Variants in FIBCD1 observed in about 807,000 individuals in gnomAD.
The protein encoded by FIBCD1 is fibrinogen C domain-containing protein 1.
FIBCD1 carries 47 observed loss-of-function variants against 45.1 expected under a neutral mutation model. The observed-to-expected ratio is 1.04, with a 90% confidence interval of 0.82 to 1.33. The LOEUF (loss-of-function observed/expected upper bound fraction) is 1.33, where lower values mean the gene tolerates loss of function less well. FIBCD1 is among the 40% of genes most tolerant of loss of function. The probability of loss-of-function intolerance (pLI) is 0.00; values close to 1 mark genes in which losing one functional copy is unlikely to be tolerated. For synonymous variants in FIBCD1, 313 were observed against 308.1 expected (o/e 1.02, Z -0.17); for missense variants, 653 against 682.2 (o/e 0.96, Z 0.48).
chr9:130,911,468 C>T (rs532021217), intron 5 of FIBCD1, among the ~76,000 whole-genome samples: 100 of 152,340 alleles, frequency 6.6e-4, no homozygotes, highest in Non-Finnish European at 1.0e-3. Context: ...ATGCTGCTGA[C>T]CACCTGCCCA....
Position 130,929,914 on chromosome 9 carries a change from T to G in FIBCD1, c.205A>C (p.Ser69Arg), listed in dbSNP as rs1282992717. 1.3e-6 allele frequency: 2 copies of G among 1,549,200 alleles called. No homozygotes were observed. The highest frequency in any genetic ancestry group is 1.2e-5 in the South Asian group (1 of 83,968). Residue 69 changes from serine (S) to arginine (R), a missense_variant, in exon 2 of 7, where the codon AGC becomes CGC. Ser to Arg is a moderately radical substitution (Grantham distance 110). Coordinates refer to ENST00000372338, the MANE Select transcript of FIBCD1 (RefSeq NM_032843.5). The stretch of plus-strand genomic sequence containing the variant: ...CTGTTGGCGCTGGCAGCCCCAGTGC[T>G]GACGACAGGTGGGGGCGCCGTGCCC... The part of the protein sequence containing the change: ...APGTAPPPVV[S>R]TGAASANSAL...
chr9:130,931,305 C>T (rs368816397), intron 1 of FIBCD1, among the ~76,000 whole-genome samples: 2 of 152,150 alleles, frequency 1.3e-5, no homozygotes, highest in Non-Finnish European at 2.9e-5. Flanking sequence ...GTCAGGAGAT[C>T]GAGACCATCC....
chr9:130,929,570 G>A lies in FIBCD1; in HGVS notation c.549C>T (p.Ile183=). 5.3e-6 allele frequency: 8 copies of A among 1,502,284 alleles called. No homozygotes were observed. Among genetic ancestry groups the A allele is most frequent in the Non-Finnish European group, 7.1e-6 (8 of 1,128,310 alleles). The allele number at this position is 1,502,284 out of a possible 1,614,324, so 93.1% of individuals were successfully genotyped here. A position where few individuals can be genotyped will look rare whatever the true frequency, so the allele number is the denominator to read the frequency against. ...AAGATGCAGACCCCAGCCCTACCTG[G>A]ATGAGGCGGCCCTGCTCACTCTGCA... ...SALQSEQGRL[I]QLLSESQGHM... is the part of the protein sequence containing the mutation. The change falls in exon 2 of 7, where the codon ATC becomes ATT. Residue 183 remains isoleucine (I), a synonymous_variant. Transcript: ENST00000372338.
chr9:130,918,956 T>G (rs1245684680), intron 4 of FIBCD1, among the ~76,000 whole-genome samples: 4 of 152,318 alleles, frequency 2.6e-5, no homozygotes, highest in Admixed American at 1.3e-4. Flanking sequence ...CCACCCTCCC[T>G]GCAGAGCCAG....
At chr9:130,935,723 A>T (rs868177395) in intron 1 of FIBCD1, among the ~76,000 whole-genome samples, 9 of 152,340 alleles carry the variant, frequency 5.9e-5, no homozygotes, top group Middle Eastern at 3.4e-3. Flanking sequence ...GCCACCCCTT[A>T]GGCACTTGTC....
In FIBCD1 at chr9:130,923,813, GAC is replaced by G; in HGVS notation, c.778_779del (p.Val260LeufsTer14). ...AGCCGGCCGGGTAGTGGGTGGGAAA[GAC>G]AGAGTAGACGCCATCGTCCTGCTGT... ...SGQQDDGVYS[V>X]FPTHYPAGFQ... On this transcript the variant is annotated frameshift_variant, in exon 4 of 7. Coordinates refer to ENST00000372338, the MANE Select transcript of FIBCD1 (RefSeq NM_032843.5). LOFTEE classifies it high-confidence loss of function. 6.2e-7 allele frequency: 1 copy of G among 1,612,980 alleles called. No individual in the cohort carries two copies.
chr9:130,905,210 T>A (rs1337112281), intron 6 of FIBCD1, 24 bp downstream of exon 6: 1 of 1,598,728 alleles, frequency 6.3e-7, no homozygotes, highest in Non-Finnish European at 8.6e-7. Context: ...CCCTTCCCCA[T>A]CCCTGCCACA....
At chr9:130,932,702 C>T (rs1001299562) in intron 1 of FIBCD1, among the ~76,000 whole-genome samples, 1 of 152,228 alleles carries the variant, frequency 6.6e-6, no homozygotes, top group Non-Finnish European at 1.5e-5. Flanking sequence ...CGTTAGGGTG[C>T]TTACAAGACA....
At position 130,929,649 on chromosome 9, in the gene FIBCD1, T is replaced by TC; in HGVS notation, c.469dup (p.Glu157GlyfsTer22). 6.3e-7 allele frequency: 1 copy of TC among 1,593,724 alleles called. No homozygotes were observed. Among genetic ancestry groups the TC allele is most frequent in the Non-Finnish European group, 8.5e-7 (1 of 1,171,258 alleles). ...ATGCCCCTTCCGCAGCCCCATGCACTCCGTCTGCAGCTCTGAGGCTCGGGC... is the reference window on the plus strand; with the variant it reads ...ATGCCCCTTCCGCAGCCCCATGCACTCCCGTCTGCAGCTCTGAGGCTCGGGC... On this transcript the variant is annotated frameshift_variant, in exon 2 of 7. Transcript: ENST00000372338. LOFTEE classifies it high-confidence loss of function.
intron 4 of FIBCD1, among the ~76,000 whole-genome samples, chr9:130,921,894 G>C (rs191085017): frequency 6.6e-6 from 1 of 152,254 alleles, no homozygotes; most frequent in African/African-American, 2.4e-5. Context: ...AGATGTGTCT[G>C]TCTTTGGGGT....
At chr9:130,916,552 G>A (rs1832164916) in intron 4 of FIBCD1, among the ~76,000 whole-genome samples, 1 of 152,266 alleles carries the variant, frequency 6.6e-6, no homozygotes, top group Non-Finnish European at 1.5e-5. Flanking sequence ...TTCCCGTGTG[G>A]GGGAATGTTT....
intron 4 of FIBCD1, among the ~76,000 whole-genome samples, chr9:130,915,984 C>T (rs1385975200): frequency 7.9e-5 from 12 of 152,198 alleles, no homozygotes; most frequent in Admixed American, 5.9e-4. Flanking sequence ...CCAGGCAGTG[C>T]GGTGGCACGA....
rs1307482495 is a variant in FIBCD1, at chr9:130,938,760, CGT to C, written c.-155_-154del. 8.6e-6 allele frequency: 2 copies of C among 232,494 alleles called. No individual in the cohort carries two copies. Among genetic ancestry groups the C allele is most frequent in the Non-Finnish European group, 1.5e-5 (2 of 137,894 alleles). 14.4% of individuals were successfully genotyped at this position (232,494 alleles called of 1,614,324 possible). ...CCGGGGCGGCCCGGGAGCGGGCGGG[CGT>C]GTGAGGATGAGCGCGCCGCTGTGTG... On this transcript the variant is annotated 5_prime_UTR_variant, in exon 1 of 7. Coordinates refer to ENST00000372338, the MANE Select transcript of FIBCD1 (RefSeq NM_032843.5).
At chr9:130,917,338 C>G (rs975828977) in intron 4 of FIBCD1, among the ~76,000 whole-genome samples, 2 of 152,206 alleles carry the variant, frequency 1.3e-5, no homozygotes, top group Non-Finnish European at 2.9e-5. Context: ...GCCCGCCGCC[C>G]GGCGCACCTT....
rs116463342 is a variant in FIBCD1 at position 130,923,907 on chromosome 9, G to C, written c.713-27C>G. ...TGAGGGAGGCAAGGCTGTCAGGGTG[G>C]CTGCGGCCCCAGCACGTTCCTGCCC... On this transcript the variant is annotated intron_variant, in intron 3 of 6. Coordinates refer to ENST00000372338, the MANE Select transcript of FIBCD1 (RefSeq NM_032843.5). 15 of 1,611,298 alleles carry C rather than the reference G, an allele frequency of 9.3e-6. No homozygotes were observed. The African/African-American group carries it at 9.3e-5, about 10-fold the overall frequency.
chr9:130,912,917 A>G (rs899475768), intron 4 of FIBCD1, among the ~76,000 whole-genome samples: 1 of 152,088 alleles, frequency 6.6e-6, no homozygotes, highest in Non-Finnish European at 1.5e-5. Context: ...TGGCCTCCAG[A>G]GCCCTGTCCC....
intron 4 of FIBCD1, among the ~76,000 whole-genome samples, chr9:130,912,677 A>C (rs1320288356): frequency 2.0e-5 from 3 of 150,832 alleles, no homozygotes; most frequent in Admixed American, 6.6e-5. Context: ...ACTACACTCC[A>C]GCCTGGGTGA....
chr9:130,924,327 G>T lies in FIBCD1; in HGVS notation c.622C>A (p.Gln208Lys). 6.2e-7 allele frequency: 1 copy of T among 1,608,044 alleles called. No individual in the cohort carries two copies. The highest frequency in any genetic ancestry group is 8.5e-7 in the Non-Finnish European group (1 of 1,178,500). Residue 208 changes from glutamine to lysine, a missense_variant, in exon 3 of 7, where the codon CAG becomes AAG. Physicochemically the swap from Gln to Lys is moderately conservative, Grantham distance 53. Transcript: ENST00000372338. ...NSVSDILDAL[Q>K]RDRGLGRPRN... is the part of the protein sequence containing the mutation. Reference sequence around the variant, plus strand: ...GGCCGGCCCAGCCCCCGGTCCCTCTGCAGGGCATCCAGGATGTCGCTGACG... The same window carrying T: ...GGCCGGCCCAGCCCCCGGTCCCTCTTCAGGGCATCCAGGATGTCGCTGACG...
chr9:130,937,184 G>C (rs1832531342), intron 1 of FIBCD1, among the ~76,000 whole-genome samples: 1 of 152,182 alleles, frequency 6.6e-6, no homozygotes, highest in African/African-American at 2.4e-5. Context: ...TTCTTGCTAA[G>C]GGGGAGAAGT....
Sources: gnomAD v4.1 joint callset for allele counts (sites outside exome capture counted in the v4.1 genomes callset) on GRCh38, gnomAD v4.1.1 for gene constraint, MANE v1.5 for transcripts, NCBI Gene and HGNC (gene_info 2026-07-23, HGNC 2026-07-21) for gene names.